SPTBN1: variants seen among roughly 807,000 people sequenced by gnomAD.
The protein encoded by SPTBN1 is spectrin beta, non-erythrocytic 1.
A neutral mutation model predicts 266.4 loss-of-function variants in SPTBN1; 32 were observed. The observed-to-expected ratio is 0.12, with a 90% CI of 0.09 to 0.16. The LOEUF (loss-of-function observed/expected upper bound fraction) is 0.16, where lower values mean the gene tolerates loss of function less well. Ranked by LOEUF, SPTBN1 falls within the 10% of genes least tolerant of loss-of-function variation. The probability of loss-of-function intolerance (pLI) is 1.00; values close to 1 mark genes in which losing one functional copy is unlikely to be tolerated. For synonymous variants in SPTBN1, 1,336 were observed against 1,162.2 expected, an observed-to-expected ratio of 1.15 and a Z score of -3.04; for missense variants, 2,296 against 3,067.1, an observed-to-expected ratio of 0.75 and a Z score of 5.94.
chr2:54,609,959 G>C (rs1244138541), intron 3 of SPTBN1, among the ~76,000 whole-genome samples: 3 of 151,202 alleles, frequency 2.0e-5, no homozygotes, highest in African/African-American at 7.3e-5. Context: ...CAGAACAGTA[G>C]AGTTAGCCTA....
chr2:54,496,799 T>G (rs1241491017), intron 1 of SPTBN1, among the ~76,000 whole-genome samples: 1 of 152,186 alleles, frequency 6.6e-6, no homozygotes, highest in African/African-American at 2.4e-5. Context: ...TGTACAAGGT[T>G]GATGGGAGGG....
At chr2:54,588,151 G>A (rs1193416371) in intron 2 of SPTBN1, among the ~76,000 whole-genome samples, 1 of 152,082 alleles carries the variant, frequency 6.6e-6, no homozygotes, top group Non-Finnish European at 1.5e-5. Flanking sequence ...GGCTTTGTGG[G>A]CCACATGGAG....
Position 54,631,332 on chromosome 2 carries a change from C to T in SPTBN1, c.3285C>T (p.Thr1095=), listed in dbSNP as rs370058673. ...CGGAGGACATGCCAAACACCCTGAC[C>T]GAGGCTGAGAAGCTGCTCACGCAGC... is the stretch of plus-strand genomic sequence containing the variant. The part of the protein sequence containing the change: ...IASEDMPNTL[T]EAEKLLTQHE... The change falls in exon 16 of 36, where the codon ACC becomes ACT. Residue 1095 remains threonine, a synonymous_variant. Coordinates refer to ENST00000356805, the MANE Select transcript of SPTBN1 (RefSeq NM_003128.3). The T allele has an allele frequency of 4.7e-5, 76 of 1,614,230 alleles. No homozygotes were observed. The African/African-American group carries it at 6.9e-4, about 15-fold the overall frequency.
At chr2:54,560,544 C>A (rs571351795) in intron 2 of SPTBN1, among the ~76,000 whole-genome samples, 4 of 152,124 alleles carry the variant, frequency 2.6e-5, no homozygotes, top group Non-Finnish European at 4.4e-5. Context: ...CTCTGGACAA[C>A]GTAAAGTTTA....
At chr2:54,602,133 A>G (rs13021606) in intron 3 of SPTBN1, among the ~76,000 whole-genome samples, 1 of 152,088 alleles carries the variant, frequency 6.6e-6, no homozygotes, top group African/African-American at 2.4e-5. Flanking sequence ...ATTAGAAATA[A>G]AACTATTCTT....
At chr2:54,501,597 G>A (rs534051647) in intron 1 of SPTBN1, among the ~76,000 whole-genome samples, 6 of 152,348 alleles carry the variant, frequency 3.9e-5, no homozygotes, top group African/African-American at 1.4e-4. Context: ...AGAAAGAGGA[G>A]ATGGACTTGG....
intron 1 of SPTBN1, among the ~76,000 whole-genome samples, chr2:54,483,716 G>A (rs2103953265): frequency 6.6e-6 from 1 of 152,328 alleles, no homozygotes; most frequent in Non-Finnish European, 1.5e-5. Context: ...AAGGCACTTG[G>A]GTGATTTAGG....
intron 32 of SPTBN1, chr2:54,660,827 C>A (rs1680986408): frequency 1.0e-6 from 1 of 985,340 alleles, no homozygotes; most frequent in African/African-American, 1.7e-5. Context: ...CTGTCTCGCT[C>A]CCTGTCAGTG....
At chr2:54,542,063 T>C (rs977127158) in intron 2 of SPTBN1, among the ~76,000 whole-genome samples, 1 of 152,270 alleles carries the variant, frequency 6.6e-6, no homozygotes, top group Non-Finnish European at 1.5e-5. Flanking sequence ...TTTATTAGAA[T>C]GAGTGCTTAT....
intron 18 of SPTBN1, among the ~76,000 whole-genome samples, chr2:54,639,230 G>A (rs771512847): frequency 2.6e-5 from 4 of 152,244 alleles, no homozygotes; most frequent in Non-Finnish European, 5.9e-5. Context: ...GCTATGTGGA[G>A]TTGCCTAGTG....
intron 2 of SPTBN1, among the ~76,000 whole-genome samples, chr2:54,567,448 C>T (rs72918787): frequency 0.076 from 11,512 of 152,114 alleles, 1,401 homozygotes; most frequent in African/African-American, 0.25. Flanking sequence ...TCAAGCCATC[C>T]TTCCACCTCA....
chr2:54,535,774 AGCCAAG>A (rs1671562571), intron 2 of SPTBN1, among the ~76,000 whole-genome samples: 1 of 152,224 alleles, frequency 6.6e-6, no homozygotes, highest in Non-Finnish European at 1.5e-5. Flanking sequence ...CTGTAATCCC[AGCCAAG>A]GCAAGTGGAT....
intron 4 of SPTBN1, 152 bp downstream of exon 4, chr2:54,612,486 A>G: frequency 1.1e-6 from 1 of 873,398 alleles, no homozygotes; most frequent in Non-Finnish European, 1.7e-6. Flanking sequence ...AGCCCTCAGA[A>G]TTGAATGCTG....
chr2:54,646,119 G>T lies in SPTBN1; in HGVS notation c.4585-75G>T. ...TTTGAAGCCTTGCTATTTCTTTCTG[G>T]CCCTAACAGCTTGACATAAGCAGCA... On this transcript the variant is annotated intron_variant, in intron 22 of 35. Transcript: ENST00000356805. This position sits in a 1 kb window ranked among gnomAD's most constrained non-coding sequence, Gnocchi z 4.4. 2 of 1,599,632 alleles carry T rather than the reference G, an allele frequency of 1.3e-6. No individual in the cohort carries two copies. Among genetic ancestry groups the T allele is most frequent in the South Asian group, 2.2e-5 (2 of 89,084 alleles).
chr2:54,532,370 A>C (rs1024455439), intron 2 of SPTBN1, among the ~76,000 whole-genome samples: 1 of 152,254 alleles, frequency 6.6e-6, no homozygotes, highest in African/African-American at 2.4e-5. Flanking sequence ...ATATTTATAG[A>C]TATCCAAAAT....
At chr2:54,511,701 T>TA (rs1174198674) in intron 1 of SPTBN1, among the ~76,000 whole-genome samples, 1 of 151,910 alleles carries the variant, frequency 6.6e-6, no homozygotes, top group Non-Finnish European at 1.5e-5. Context: ...CAGTCTCTAC[T>TA]AAAAATACAA....
chr2:54,567,306 G>A (rs537894506), intron 2 of SPTBN1, among the ~76,000 whole-genome samples: 7 of 152,238 alleles, frequency 4.6e-5, no homozygotes, highest in African/African-American at 1.4e-4. Context: ...TTGGACGTAA[G>A]GCAGTGGGAA....
In SPTBN1 at chr2:54,594,833, C is replaced by CTTTTTTTTTTTTTTTTTTTTTTTTTT. The variant is rs71408777; in HGVS notation, c.149-4241_149-4240insTTTTTTTTTTTTTTTTTTTTTTTTTT. ...GATTCCATGACCCTCTGGTAAGTTT[C>CTTTTTTTTTTTTTTTTTTTTTTTTTT]TTTTTTTTTTTTTTTTTTGAGACAG... On this transcript the variant is annotated intron_variant, in intron 2 of 35. Transcript: ENST00000356805. Among the ~76,000 whole-genome samples, 13 of 104,676 alleles carry CTTTTTTTTTTTTTTTTTTTTTTTTTT rather than the reference C, an allele frequency of 1.2e-4. 2 individuals carry two copies. Among genetic ancestry groups the CTTTTTTTTTTTTTTTTTTTTTTTTTT allele is most frequent in the African/African-American group, 5.6e-4 (11 of 19,770 alleles). The allele number at this position is 104,676 out of a possible 152,430, so 68.7% of individuals were successfully genotyped here.
chr2:54,558,751 A>AG lies in SPTBN1; in HGVS notation c.148+32186dup, dbSNP rs763094648. On this transcript the variant is annotated intron_variant, in intron 2 of 35. Transcript: ENST00000356805. The surrounding 1 kb of genome is among the most constrained non-coding windows in gnomAD (Gnocchi z 4.6). The stretch of plus-strand genomic sequence containing the variant: ...GGCTGGAGCGAGATTTCCAGGGCGC[A>AG]GTCCTCCGGGGCGTTACGCCGGGCA... The AG allele has an allele frequency of 1.9e-6, 3 of 1,605,084 alleles. No individual in the cohort carries two copies. In the South Asian group the frequency reaches 3.3e-5, roughly 18 times the overall value.
Sources: allele counts gnomAD v4.1 joint callset (sites outside exome capture counted in the v4.1 genomes callset), GRCh38; gene constraint gnomAD v4.1.1; non-coding constraint Gnocchi (gnomAD v3.1); transcripts MANE v1.5; gene names NCBI Gene and HGNC (gene_info 2026-07-23, HGNC 2026-07-21).